NUMBL: variants seen among roughly 807,000 people sequenced by gnomAD.
NUMBL encodes the protein numb-like protein.
In NUMBL, 20 loss-of-function variants were observed where a neutral mutation model predicts 48.9. That is an observed-to-expected ratio of 0.41 (90% confidence interval 0.29 to 0.59). NUMBL has a LOEUF of 0.59. Ranked by LOEUF, NUMBL falls within the 20% of genes least tolerant of loss-of-function variation. NUMBL has a pLI of 0.31. For missense variants in NUMBL, 660 were observed against 846.2 expected (o/e 0.78, Z 2.73); for synonymous variants, 340 against 348.7 (o/e 0.98, Z 0.28).
rs201258045 is a variant in NUMBL at position 40,677,443 on chromosome 19, G to T, written c.541-22C>A. 4.8e-4 allele frequency: 769 copies of T among 1,598,648 alleles called. 9 individuals carry two copies. In the East Asian group the frequency reaches 0.014, roughly 30 times the overall value. On this transcript the variant is annotated intron_variant, in intron 6 of 9. Coordinates refer to ENST00000252891, the MANE Select transcript of NUMBL (RefSeq NM_004756.5). ...CGCCCTATGGGGAGAGGATGGGCGGGGGGGTTAGAGGCGCTGGGCAGTGCG... is the reference window on the plus strand; with the variant it reads ...CGCCCTATGGGGAGAGGATGGGCGGTGGGGTTAGAGGCGCTGGGCAGTGCG...
intron 2 of NUMBL, chr19:40,686,232 G>C (rs1337298814): frequency 6.6e-6 from 1 of 152,052 alleles, no homozygotes; most frequent in African/African-American, 2.4e-5. Context: ...TCAGCTCACA[G>C]CAACCTCTGC....
rs1215276851 is a variant in NUMBL, at chr19:40,673,418, C to T, written c.962G>A (p.Arg321Gln). Residue 321 changes from arginine to glutamine, a missense_variant, in exon 8 of 10, where the codon CGG becomes CAG. This residue lies in a region of NUMBL where 278 missense variants were observed against 420.6 expected (regional missense o/e 0.66). Transcript: ENST00000252891. This position sits in a 1 kb window ranked among gnomAD's most constrained non-coding sequence, Gnocchi z 5.9. Reference sequence around the variant, plus strand: ...CTCATTCAGCCGTAGGCTCAGCTGCCGTTTGAAAGGCGAGTTCTTCTGGCT... The same window carrying T: ...CTCATTCAGCCGTAGGCTCAGCTGCTGTTTGAAAGGCGAGTTCTTCTGGCT... ...ALSQKNSPFK[R>Q]QLSLRLNELP... 1.9e-6 allele frequency: 3 copies of T among 1,613,454 alleles called. No homozygotes were observed. Among genetic ancestry groups the T allele is most frequent in the Non-Finnish European group, 8.5e-7 (1 of 1,179,756 alleles).
chr19:40,690,392 T>C (rs968875848), intron 1 of NUMBL, 68 bp downstream of exon 1: 1 of 974,574 alleles, frequency 1.0e-6, no homozygotes, highest in Admixed American at 4.2e-5. Flanking sequence ...CGCGGCCGCC[T>C]CCCACCCTCC....
At chr19:40,686,425 G>A (rs2081934713) in intron 2 of NUMBL, among the ~76,000 whole-genome samples, 1 of 152,074 alleles carries the variant, frequency 6.6e-6, no homozygotes. Context: ...GCCTCCCAAA[G>A]TGCTGGGATT....
rs2081941011 is a variant in NUMBL at position 40,687,503 on chromosome 19, A to G, written c.25-508T>C. ...CTCTACTACAGACATTTGTCCACAT[A>G]CATGCAGCATGTCCTGGCCCACTCA... On this transcript the variant is annotated intron_variant, in intron 1 of 9. Coordinates refer to ENST00000252891, the MANE Select transcript of NUMBL (RefSeq NM_004756.5). This position sits in a 1 kb window ranked among gnomAD's most constrained non-coding sequence, Gnocchi z 4.6. Among the ~76,000 whole-genome samples, 1 of 152,214 alleles carries G rather than the reference A, an allele frequency of 6.6e-6. No homozygotes were observed. The highest frequency in any genetic ancestry group is 2.1e-4 in the South Asian group (1 of 4,832).
rs768355400 is a variant in NUMBL, at chr19:40,673,323, C to T, written c.1036+21G>A. 3.2e-5 allele frequency: 51 copies of T among 1,585,112 alleles called. No homozygotes were observed. Among genetic ancestry groups the T allele is most frequent in the Non-Finnish European group, 4.1e-5 (48 of 1,163,076 alleles). Reference sequence around the variant, plus strand: ...GTGCCAATTGATTCCAACGCCGTTTCCCACTGGGCCCAGGGCTCACCTGTG... The same window carrying T: ...GTGCCAATTGATTCCAACGCCGTTTTCCACTGGGCCCAGGGCTCACCTGTG... On this transcript the variant is annotated intron_variant, in intron 8 of 9. Coordinates refer to ENST00000252891, the MANE Select transcript of NUMBL (RefSeq NM_004756.5). The surrounding 1 kb of genome is among the most constrained non-coding windows in gnomAD (Gnocchi z 5.9).
At chr19:40,680,795 C>A in intron 6 of NUMBL, 122 bp downstream of exon 6, 1 of 1,121,340 alleles carries the variant, frequency 8.9e-7, no homozygotes, top group South Asian at 1.4e-5. Flanking sequence ...ACTTTCTTCT[C>A]CAGATGAGGA....
chr19:40,686,614 AGT>A (rs1440790102), intron 2 of NUMBL, among the ~76,000 whole-genome samples: 1 of 152,012 alleles, frequency 6.6e-6, no homozygotes, highest in Non-Finnish European at 1.5e-5. Flanking sequence ...CATGTGTTCA[AGT>A]GTGTCACTGC....
Position 40,667,607 on chromosome 19 carries a change from G to A in NUMBL, c.1691C>T (p.Pro564Leu). Residue 564 changes from proline (P) to leucine (L), a missense_variant, in exon 10 of 10, where the codon CCT becomes CTT. Coordinates refer to ENST00000252891, the MANE Select transcript of NUMBL (RefSeq NM_004756.5). This position sits in a 1 kb window ranked among gnomAD's most constrained non-coding sequence, Gnocchi z 6.1. ...RPRPNGAPWP[P>L]EPAPAPAPEL... Reference sequence around the variant, plus strand: ...TGGAGCTGGGGCAGGCGCTGGCTCAGGGGGCCAGGGGGCCCCATTGGGGCG... The same window carrying A: ...TGGAGCTGGGGCAGGCGCTGGCTCAAGGGGCCAGGGGGCCCCATTGGGGCG... 5 of 1,554,018 alleles carry A rather than the reference G, an allele frequency of 3.2e-6. No homozygotes were observed. Among genetic ancestry groups the A allele is most frequent in the Non-Finnish European group, 3.5e-6 (4 of 1,148,982 alleles).
At chr19:40,683,826 G>A (rs2081918412) in intron 3 of NUMBL, among the ~76,000 whole-genome samples, 1 of 152,162 alleles carries the variant, frequency 6.6e-6, no homozygotes, top group South Asian at 2.1e-4. Context: ...GCCTAGGCTG[G>A]AGTGCAATGG....
rs972222553 is a variant in NUMBL, at chr19:40,687,576, C to A, written c.25-581G>T. Among the ~76,000 whole-genome samples the A allele has an allele frequency of 3.3e-5, 5 of 152,172 alleles. No individual in the cohort carries two copies. Among genetic ancestry groups the A allele is most frequent in the Non-Finnish European group, 5.9e-5 (4 of 68,034 alleles). ...CACACCACCCACTGAAATTTGGTCACTTCCACATTCTCAGCCACATACAAA... is the reference window on the plus strand; with the variant it reads ...CACACCACCCACTGAAATTTGGTCAATTCCACATTCTCAGCCACATACAAA... On this transcript the variant is annotated intron_variant, in intron 1 of 9. Coordinates refer to ENST00000252891, the MANE Select transcript of NUMBL (RefSeq NM_004756.5). This position sits in a 1 kb window ranked among gnomAD's most constrained non-coding sequence, Gnocchi z 4.6.
Position 40,684,608 on chromosome 19 carries a change from G to GAGCT in NUMBL, c.110-56_110-53dup, listed in dbSNP as rs772146794. On this transcript the variant is annotated intron_variant, in intron 2 of 9. Transcript: ENST00000252891. ...TCAAGGGTGGGGGTCAGAAGGTATG[G>GAGCT]AGCTCAACGGGGAGGGACCAGTGCT... 3 of 1,551,604 alleles carry GAGCT rather than the reference G, an allele frequency of 1.9e-6. No individual in the cohort carries two copies. The Admixed American group carries it at 5.5e-5, about 28-fold the overall frequency.
Position 40,681,071 on chromosome 19 carries a change from G to A in NUMBL, c.400-14C>T. 1.2e-6 allele frequency: 2 copies of A among 1,613,616 alleles called. No homozygotes were observed. Among genetic ancestry groups the A allele is most frequent in the East Asian group, 2.2e-5 (1 of 44,878 alleles). ...GACCAGAAGATCCTAGGAGGGGCCGGGGAGGCCAGGAGAAGAGTGTGAACT... is the reference window on the plus strand; with the variant it reads ...GACCAGAAGATCCTAGGAGGGGCCGAGGAGGCCAGGAGAAGAGTGTGAACT... On this transcript the variant is annotated splice_polypyrimidine_tract_variant and intron_variant, in intron 5 of 9. Transcript: ENST00000252891.
At chr19:40,670,087 C>A in intron 8 of NUMBL, 67 bp from the exon 9 acceptor site, 2 of 1,554,892 alleles carry the variant, frequency 1.3e-6, no homozygotes, top group Non-Finnish European at 1.7e-6. Flanking sequence ...CGCCCTCTAC[C>A]CCCCGCCCTC....
At chr19:40,683,333 C>T (rs950385724) in intron 3 of NUMBL, among the ~76,000 whole-genome samples, 2 of 152,238 alleles carry the variant, frequency 1.3e-5, no homozygotes, top group African/African-American at 4.8e-5. Context: ...GGCCAGTCCC[C>T]ACAATGACTG....
rs370977617 is a variant in NUMBL at position 40,682,927 on chromosome 19, G to C, written c.291C>G (p.His97Gln). The part of the protein sequence containing the change: ...HVEVEESRGM[H>Q]VCEDAVKKLK... ...GCTTCTTCACCGCATCTTCACACACGTGCATTCCCCGGGACTCCTCTACCT... is the reference window on the plus strand; with the variant it reads ...GCTTCTTCACCGCATCTTCACACACCTGCATTCCCCGGGACTCCTCTACCT... The change falls in exon 4 of 10, where the codon CAC becomes CAG. Residue 97 changes from histidine to glutamine, a missense_variant. By Grantham distance (24) the His-to-Gln change is conservative. Around this residue, in one of 3 missense-constraint regions of NUMBL, gnomAD observed 278 missense variants for 420.6 expected, o/e 0.66. Coordinates refer to ENST00000252891, the MANE Select transcript of NUMBL (RefSeq NM_004756.5). The surrounding 1 kb of genome is among the most constrained non-coding windows in gnomAD (Gnocchi z 4.0). 4.2e-5 allele frequency: 68 copies of C among 1,613,528 alleles called. No homozygotes were observed. Among genetic ancestry groups the C allele is most frequent in the Non-Finnish European group, 5.8e-5 (68 of 1,179,958 alleles).
Position 40,668,129 on chromosome 19 carries a change from G to A in NUMBL, c.1169C>T (p.Ala390Val), listed in dbSNP as rs759705103. 1 of 1,598,678 alleles carries A rather than the reference G, an allele frequency of 6.3e-7. No homozygotes were observed. Among genetic ancestry groups the A allele is most frequent in the Non-Finnish European group, 8.5e-7 (1 of 1,172,174 alleles). ...AGGGGGCACGGAGGGCTCACCCCAG[G>A]CAGAAGTCCCTGGAGAGAGGAGAGG... ...GPPPATTGTS[A>V]WGEPSVPPAA... Residue 390 changes from alanine to valine, a missense_variant, in exon 10 of 10, where the codon GCC becomes GTC. Ala to Val is a moderately conservative substitution (Grantham distance 64). Coordinates refer to ENST00000252891, the MANE Select transcript of NUMBL (RefSeq NM_004756.5).
intron 5 of NUMBL, 138 bp from the exon 6 acceptor site, chr19:40,681,195 C>T: frequency 2.3e-6 from 2 of 862,634 alleles, no homozygotes; most frequent in Non-Finnish European, 3.7e-6. Context: ...CTGTGCCTTG[C>T]CTGCAGAGGG....
chr19:40,674,247 C>T (rs1206901404), intron 7 of NUMBL, among the ~76,000 whole-genome samples: 2 of 152,260 alleles, frequency 1.3e-5, no homozygotes, highest in South Asian at 2.1e-4. Flanking sequence ...ACTGTCTGTT[C>T]CCCTCTGTCT....
Sources: allele counts gnomAD v4.1 joint callset (sites outside exome capture counted in the v4.1 genomes callset), GRCh38; gene constraint gnomAD v4.1.1; regional missense constraint gnomAD v4.1.1; non-coding constraint Gnocchi (gnomAD v3.1); transcripts MANE v1.5; gene names NCBI Gene and HGNC (gene_info 2026-07-23, HGNC 2026-07-21).